The following KIF1A variants were observed in gnomAD, a reference collection of about 807,000 sequenced individuals.
The protein encoded by KIF1A is kinesin-like protein KIF1A.
Under a neutral mutation model 227.3 loss-of-function variants are expected in KIF1A, and 46 were observed. The observed-to-expected ratio is 0.20, with a 90% confidence interval of 0.16 to 0.26. KIF1A has a LOEUF of 0.26. Among genes scored for constraint, KIF1A ranks in the 10% least tolerant of loss-of-function variants. The probability of loss-of-function intolerance (pLI) is 1.00; values close to 1 mark genes in which losing one functional copy is unlikely to be tolerated. For synonymous variants in KIF1A, 1,022 were observed against 1,012.8 expected, an observed-to-expected ratio of 1.01 and a Z score of -0.17; for missense variants, 1,683 against 2,485.9, an observed-to-expected ratio of 0.68 and a Z score of 6.87.
At chr2:240,756,218 C>A (rs1354428024) in intron 27 of KIF1A, among the ~76,000 whole-genome samples, 2 of 152,172 alleles carry the variant, frequency 1.3e-5, no homozygotes, top group African/African-American at 2.4e-5. Context: ...AAGCTCCAGA[C>A]TTTTGAAAAC....
At position 240,758,652 on chromosome 2, in the gene KIF1A, C is replaced by A. The variant is rs2050151388; in HGVS notation, c.2445-155G>T. ...GGTCCAGGGGGCTTGCTAGACAGAC[C>A]CCCTCTGTGACCCTTAGAGCTGGTC... is the stretch of plus-strand genomic sequence containing the variant. On this transcript the variant is annotated intron_variant, in intron 25 of 48. Transcript: ENST00000498729. The surrounding 1 kb of genome is among the most constrained non-coding windows in gnomAD (Gnocchi z 5.2). Among the ~76,000 whole-genome samples, 1 of 152,154 alleles carries A rather than the reference C, an allele frequency of 6.6e-6. No individual in the cohort carries two copies. Among genetic ancestry groups the A allele is most frequent in the African/African-American group, 2.4e-5 (1 of 41,434 alleles).
In KIF1A at chr2:240,786,321, G is replaced by A. The variant is rs1223745984; in HGVS notation, c.608+14C>T. ...ACAGGAGGGCAGGGAGGTCCAGTGA[G>A]TCCCTCCACCCACCTGGCCTTGTTC... On this transcript the variant is annotated intron_variant, in intron 6 of 48. Coordinates refer to ENST00000498729, the MANE Select transcript of KIF1A (RefSeq NM_001244008.2). The A allele has an allele frequency of 3.7e-6, 6 of 1,611,970 alleles. No individual in the cohort carries two copies. Among genetic ancestry groups the A allele is most frequent in the East Asian group, 2.2e-5 (1 of 44,886 alleles).
intron 32 of KIF1A, 149 bp downstream of exon 32, chr2:240,745,278 C>T (rs1331378986): frequency 1.4e-6 from 1 of 713,388 alleles, no homozygotes; most frequent in Non-Finnish European, 2.5e-6. Context: ...GAAATCGCTC[C>T]TACACCCTGC....
At chr2:240,748,886 C>T (rs916937287) in intron 28 of KIF1A, among the ~76,000 whole-genome samples, 6 of 152,100 alleles carry the variant, frequency 3.9e-5, no homozygotes, top group South Asian at 4.2e-4. Flanking sequence ...TTTGGGAGGC[C>T]GAGATGGGCA....
chr2:240,748,665 CT>C, intron 28 of KIF1A: 1 of 315,390 alleles, frequency 3.2e-6, no homozygotes, highest in Non-Finnish European at 6.7e-6. Flanking sequence ...AACACCCCAC[CT>C]TCCAGCAGCA....
intron 10 of KIF1A, among the ~76,000 whole-genome samples, chr2:240,780,865 G>C (rs1347008095): frequency 3.0e-5 from 1 of 32,808 alleles, no homozygotes. Flanking sequence ...CACACACACA[G>C]CTCCACACAC....
At position 240,758,467 on chromosome 2, in the gene KIF1A, G is replaced by A. The variant is rs199996308; in HGVS notation, c.2475C>T (p.Tyr825=). Residue 825 remains tyrosine (Y), a synonymous_variant, in exon 26 of 49, where the codon TAC becomes TAT. Coordinates refer to ENST00000498729, the MANE Select transcript of KIF1A (RefSeq NM_001244008.2). The surrounding 1 kb of genome is among the most constrained non-coding windows in gnomAD (Gnocchi z 5.2). The part of the protein sequence containing the change: ...RQRLDLMREM[Y]DRAAEVPSSV... ...TGGAGGGCACCTCTGCAGCGCGGTC[G>A]TACATCTCCCGCATCAGGTCCAGAC... The A allele has an allele frequency of 8.9e-4, 1,436 of 1,604,988 alleles. 19 individuals are homozygous for A. In the South Asian group the frequency reaches 0.013, roughly 14 times the overall value.
intron 1 of KIF1A, among the ~76,000 whole-genome samples, chr2:240,812,860 CG>C (rs2057999276): frequency 6.9e-6 from 1 of 145,434 alleles, no homozygotes; most frequent in African/African-American, 2.5e-5. Flanking sequence ...GCCTTCACCT[CG>C]GGGATCAGCC....
intron 2 of KIF1A, among the ~76,000 whole-genome samples, chr2:240,795,631 A>G (rs1575650656): frequency 1.3e-5 from 2 of 152,066 alleles, no homozygotes; most frequent in South Asian, 4.2e-4. Context: ...TCCAGGCTGT[A>G]CCCTCCCGTT....
chr2:240,814,693 G>A (rs372907563), intron 1 of KIF1A, among the ~76,000 whole-genome samples: 3 of 152,332 alleles, frequency 2.0e-5, no homozygotes, highest in East Asian at 3.9e-4. Flanking sequence ...TTGTGGGGCC[G>A]AGGCAGGAGG....
At chr2:240,731,241 T>C (rs2046564345) in intron 38 of KIF1A, among the ~76,000 whole-genome samples, 1 of 149,926 alleles carries the variant, frequency 6.7e-6, no homozygotes, top group African/African-American at 2.5e-5. Flanking sequence ...ACATAGGGGC[T>C]AGGATGGTGG....
At position 240,785,117 on chromosome 2, in the gene KIF1A, C is replaced by T; in HGVS notation, c.609-17G>A. 2 of 1,600,966 alleles carry T rather than the reference C, an allele frequency of 1.2e-6. No homozygotes were observed. Among genetic ancestry groups the T allele is most frequent in the Admixed American group, 3.3e-5 (2 of 59,942 alleles). On this transcript the variant is annotated splice_polypyrimidine_tract_variant and intron_variant, in intron 6 of 48. Transcript: ENST00000498729. Reference sequence around the variant, plus strand: ...GCCACGGTCCTGAGGAGCAGAAAGCCACGCACGGTTACCCCTCGTCCTGTG... The same window carrying T: ...GCCACGGTCCTGAGGAGCAGAAAGCTACGCACGGTTACCCCTCGTCCTGTG...
intron 5 of KIF1A, among the ~76,000 whole-genome samples, chr2:240,786,837 G>GCCATCAGGACC (rs2055000370): frequency 5.2e-5 from 3 of 57,294 alleles, no homozygotes; most frequent in Admixed American, 1.7e-4. Context: ...GGTGGGGGCT[G>GCCATCAGGACC]CCTGCTGAGC....
chr2:240,765,804 G>T lies in KIF1A; in HGVS notation c.1685-11C>A, dbSNP rs1292354329. Reference sequence around the variant, plus strand: ...CCAAGGTCACCACAGCTACAGGAAAGGTGGGAGGGGCAGAGAGGAGGACTA... The same window carrying T: ...CCAAGGTCACCACAGCTACAGGAAATGTGGGAGGGGCAGAGAGGAGGACTA... On this transcript the variant is annotated splice_polypyrimidine_tract_variant and intron_variant, in intron 19 of 48. Coordinates refer to ENST00000498729, the MANE Select transcript of KIF1A (RefSeq NM_001244008.2). 6.2e-7 allele frequency: 1 copy of T among 1,608,650 alleles called. No homozygotes were observed. Among genetic ancestry groups the T allele is most frequent in the Non-Finnish European group, 8.5e-7 (1 of 1,175,482 alleles).
intron 34 of KIF1A, 134 bp downstream of exon 34, chr2:240,742,795 G>T: frequency 1.3e-6 from 1 of 776,836 alleles, no homozygotes; most frequent in Non-Finnish European, 2.1e-6. Context: ...GACAGGCTCA[G>T]GGTGGCGCCA....
At chr2:240,717,714 T>C (rs1260055143) in intron 48 of KIF1A, among the ~76,000 whole-genome samples, 1 of 152,208 alleles carries the variant, frequency 6.6e-6, no homozygotes, top group Non-Finnish European at 1.5e-5. Flanking sequence ...ATTTTGAAAG[T>C]ATGGCCTGGG....
chr2:240,815,129 G>A (rs374002227), intron 1 of KIF1A, among the ~76,000 whole-genome samples: 4 of 152,314 alleles, frequency 2.6e-5, no homozygotes, highest in Middle Eastern at 3.4e-3. Flanking sequence ...CCTGGCCCCA[G>A]AAGCAGGAGA....
rs1026198402 is a variant in KIF1A at position 240,789,562 on chromosome 2, T to A, written c.107-250A>T. The stretch of plus-strand genomic sequence containing the variant: ...TACCAGCCTGCAAGGCTCTGTGTCA[T>A]TCTCCCGCCAAATGCAACTGGCTCC... On this transcript the variant is annotated intron_variant, in intron 2 of 48. Coordinates refer to ENST00000498729, the MANE Select transcript of KIF1A (RefSeq NM_001244008.2). The surrounding 1 kb of genome is among the most constrained non-coding windows in gnomAD (Gnocchi z 4.8). Among the ~76,000 whole-genome samples, 3 of 152,038 alleles carry A rather than the reference T, an allele frequency of 2.0e-5. No individual in the cohort carries two copies. Among genetic ancestry groups the A allele is most frequent in the Non-Finnish European group, 4.4e-5 (3 of 67,990 alleles).
intron 27 of KIF1A, among the ~76,000 whole-genome samples, chr2:240,755,339 C>T (rs1303854352): frequency 1.3e-5 from 2 of 152,206 alleles, no homozygotes; most frequent in African/African-American, 4.8e-5. Flanking sequence ...AGAGCGAGGG[C>T]TGAGTGTGGC....
Sources: allele counts gnomAD v4.1 joint callset (sites outside exome capture counted in the v4.1 genomes callset), GRCh38; gene constraint gnomAD v4.1.1; non-coding constraint Gnocchi (gnomAD v3.1); transcripts MANE v1.5; gene names NCBI Gene and HGNC (gene_info 2026-07-23, HGNC 2026-07-21).